Variants in ASH1L observed in about 807,000 individuals in gnomAD.
ASH1L encodes ASH1 like histone lysine methyltransferase.
ASH1L carries 23 observed loss-of-function variants against 269.0 expected under a neutral mutation model. That is an observed-to-expected ratio of 0.09 (90% CI 0.06 to 0.12). ASH1L has a LOEUF of 0.12. Ranked by LOEUF, ASH1L falls within the 10% of genes least tolerant of loss-of-function variation. The pLI, the probability that ASH1L is intolerant of heterozygous loss-of-function variation, is 1.00. For missense variants in ASH1L, 2,912 were observed against 3,567.8 expected, an observed-to-expected ratio of 0.82 and a Z score of 4.68; for synonymous variants, 1,187 against 1,253.5, an observed-to-expected ratio of 0.95 and a Z score of 1.12.
intron 7 of ASH1L, among the ~76,000 whole-genome samples, chr1:155,384,148 T>G (rs1657215682): frequency 6.6e-6 from 1 of 152,222 alleles, no homozygotes; most frequent in African/African-American, 2.4e-5. Flanking sequence ...GCTTACTGTA[T>G]TCTTCCTTCC....
chr1:155,338,148 T>G lies in ASH1L; in HGVS notation c.8744A>C (p.Gln2915Pro), dbSNP rs746549334. 6.2e-7 allele frequency: 1 copy of G among 1,614,050 alleles called. No homozygotes were observed. The highest frequency in any genetic ancestry group is 1.3e-5 in the African/African-American group (1 of 74,918). Residue 2915 changes from glutamine (Q) to proline (P), a missense_variant, in exon 27 of 28, where the codon CAA becomes CCA. Around this residue, in one of 13 missense-constraint regions of ASH1L, gnomAD observed 154 missense variants for 165.0 expected, o/e 0.93. Coordinates refer to ENST00000392403, the MANE Select transcript of ASH1L (RefSeq NM_018489.3). ...CAAGATCTGGTTGAGTCGTTCCCGTTGGTTATGCCGTCGTTCCTCAGGGGT... is the reference window on the plus strand; with the variant it reads ...CAAGATCTGGTTGAGTCGTTCCCGTGGGTTATGCCGTCGTTCCTCAGGGGT... ...TCTPEERRHNQRERLNQILLN... is the reference protein window; with the variant it reads ...TCTPEERRHNPRERLNQILLN...
chr1:155,540,152 C>T (rs529794192), intron 1 of ASH1L, among the ~76,000 whole-genome samples: 134 of 152,178 alleles, frequency 8.8e-4, no homozygotes, highest in African/African-American at 3.0e-3. Context: ...ATAAAAGTCC[C>T]TAATCACACT....
intron 7 of ASH1L, among the ~76,000 whole-genome samples, chr1:155,381,360 C>A (rs909404975): frequency 3.3e-5 from 5 of 151,394 alleles, no homozygotes; most frequent in African/African-American, 1.2e-4. Flanking sequence ...AGAGACAAGG[C>A]TGGCCAACAT....
At chr1:155,513,890 A>T (rs1668333629) in intron 2 of ASH1L, among the ~76,000 whole-genome samples, 1 of 152,208 alleles carries the variant, frequency 6.6e-6, no homozygotes, top group African/African-American at 2.4e-5. Context: ...AAAAATTCAC[A>T]AACAGCTTCT....
chr1:155,438,676 T>C lies in ASH1L; in HGVS notation c.5479A>G (p.Asn1827Asp). Residue 1827 changes from asparagine to aspartate, a missense_variant, in exon 5 of 28, where the codon AAT (asparagine) becomes GAT (aspartate). Asn to Asp is a conservative substitution (Grantham distance 23). Transcript: ENST00000392403. ...LATKKNLDHV[N>D]KILKAKKLQR... ...AGTTTTTTGGCTTTTAAGATTTTATTGACATGGTCTAGGTTTTTCTTTGTG... is the reference window on the plus strand; with the variant it reads ...AGTTTTTTGGCTTTTAAGATTTTATCGACATGGTCTAGGTTTTTCTTTGTG... 1 of 1,614,248 alleles carries C rather than the reference T, an allele frequency of 6.2e-7. No individual in the cohort carries two copies. The highest frequency in any genetic ancestry group is 8.5e-7 in the Non-Finnish European group (1 of 1,180,046).
At chr1:155,527,744 C>A (rs944929829) in intron 1 of ASH1L, among the ~76,000 whole-genome samples, 1 of 151,960 alleles carries the variant, frequency 6.6e-6, no homozygotes, top group Non-Finnish European at 1.5e-5. Flanking sequence ...CAGGGTCTCA[C>A]TAGGTTGCCC....
At chr1:155,428,169 T>G (rs972517934) in intron 5 of ASH1L, among the ~76,000 whole-genome samples, 1 of 152,200 alleles carries the variant, frequency 6.6e-6, no homozygotes, top group Admixed American at 6.5e-5. Flanking sequence ...CTGGGTGCAG[T>G]GGCTCACGCC....
chr1:155,543,569 T>C (rs1160443723), intron 1 of ASH1L, among the ~76,000 whole-genome samples: 1 of 150,238 alleles, frequency 6.7e-6, no homozygotes, highest in African/African-American at 2.5e-5. Flanking sequence ...ATTTGATATA[T>C]GTGGCTATAT....
intron 21 of ASH1L, chr1:155,344,542 G>A: frequency 3.2e-6 from 1 of 308,676 alleles, no homozygotes; most frequent in Non-Finnish European, 6.1e-6. Context: ...ATGAAAATGT[G>A]TGAAGGGAGA....
intron 12 of ASH1L, among the ~76,000 whole-genome samples, chr1:155,369,957 A>C (rs1435985509): frequency 6.6e-6 from 1 of 152,102 alleles, no homozygotes; most frequent in Non-Finnish European, 1.5e-5. Context: ...TTTAGTAGAG[A>C]TGGGTTTCAC....
chr1:155,557,784 G>T (rs1671702809), intron 1 of ASH1L, among the ~76,000 whole-genome samples: 1 of 152,114 alleles, frequency 6.6e-6, no homozygotes, highest in Non-Finnish European at 1.5e-5. Context: ...TAAGGAAAAT[G>T]ATAACAGAAA....
At position 155,388,715 on chromosome 1, in the gene ASH1L, C is replaced by CTTTTTTTTTTT. The variant is rs142537672; in HGVS notation, c.6103+6733_6103+6743dup. 1.4e-4 allele frequency among the ~76,000 whole-genome samples: 19 copies of CTTTTTTTTTTT among 131,668 alleles called. 2 individuals carry two copies. The highest frequency in any genetic ancestry group is 5.1e-4 in the African/African-American group (17 of 33,342). The allele number at this position is 131,668 out of a possible 152,430, so 86.4% of individuals were successfully genotyped here. A position where few individuals can be genotyped will look rare whatever the true frequency, so the allele number is the denominator to read the frequency against. On this transcript the variant is annotated intron_variant, in intron 7 of 27. Coordinates refer to ENST00000392403, the MANE Select transcript of ASH1L (RefSeq NM_018489.3). ...GGTCTATGTGTCCTGAATTGCGATT[C>CTTTTTTTTTTT]TTTTTTTTTTTTTTTTTCATAGAAA...
intron 6 of ASH1L, among the ~76,000 whole-genome samples, chr1:155,398,084 T>C (rs189092998): frequency 6.6e-6 from 1 of 152,258 alleles, no homozygotes; most frequent in Admixed American, 6.5e-5. Flanking sequence ...GTAAAAACAA[T>C]ATATTTATAA....
At chr1:155,407,087 G>C (rs1659357477) in intron 6 of ASH1L, among the ~76,000 whole-genome samples, 2 of 152,136 alleles carry the variant, frequency 1.3e-5, no homozygotes, top group Non-Finnish European at 2.9e-5. Context: ...GCCAGGCGTG[G>C]TGGTGCACAC....
chr1:155,368,283 C>T (rs1655619609), intron 12 of ASH1L, among the ~76,000 whole-genome samples: 1 of 152,080 alleles, frequency 6.6e-6, no homozygotes, highest in African/African-American at 2.4e-5. Flanking sequence ...AGGTGTGAGC[C>T]ACTGCACCCA....
Position 155,338,087 on chromosome 1 carries a change from A to T in ASH1L, c.8803+2T>A. The T allele has an allele frequency of 6.2e-7, 1 of 1,611,920 alleles. No homozygotes were observed. The highest frequency in any genetic ancestry group is 8.5e-7 in the Non-Finnish European group (1 of 1,178,486). On this transcript the variant is annotated splice_donor_variant, in intron 27 of 27. Transcript: ENST00000392403. LOFTEE classifies it high-confidence loss of function. ...CCTAGATATGAACCTGATTCTTCTTACCATTTTTTCCAGGGATTTTTTCAA... is the reference window on the plus strand; with the variant it reads ...CCTAGATATGAACCTGATTCTTCTTTCCATTTTTTCCAGGGATTTTTTCAA...
intron 1 of ASH1L, among the ~76,000 whole-genome samples, chr1:155,528,204 T>C (rs1669409241): frequency 6.6e-6 from 1 of 152,188 alleles, no homozygotes. Context: ...CCCAAATCTA[T>C]TCTTCCTACA....
chr1:155,491,422 T>C (rs1316489996), intron 2 of ASH1L, among the ~76,000 whole-genome samples: 2 of 152,076 alleles, frequency 1.3e-5, no homozygotes, highest in South Asian at 2.1e-4. Flanking sequence ...TGTATTCAAA[T>C]ACTTATGAAA....
intron 5 of ASH1L, among the ~76,000 whole-genome samples, chr1:155,436,842 G>C (rs535214684): frequency 4.6e-4 from 70 of 152,234 alleles, no homozygotes; most frequent in Admixed American, 3.7e-3. Context: ...GATCCATTTT[G>C]AGTTAGATTT....
Sources: allele counts gnomAD v4.1 joint callset (sites outside exome capture counted in the v4.1 genomes callset), GRCh38; gene constraint gnomAD v4.1.1; regional missense constraint gnomAD v4.1.1; transcripts MANE v1.5; gene names NCBI Gene and HGNC (gene_info 2026-07-23, HGNC 2026-07-21).